Variants in MID2 observed in about 807,000 individuals in gnomAD.
The protein encoded by MID2 is probable E3 ubiquitin-protein ligase MID2.
Under a neutral mutation model 46.1 loss-of-function variants are expected in MID2, and 13 were observed. The observed-to-expected ratio is 0.28, with a 90% confidence interval of 0.18 to 0.45. MID2 has a LOEUF of 0.45. Ranked by LOEUF, MID2 falls within the 20% of genes least tolerant of loss-of-function variation. MID2 has a pLI of 1.00. For missense variants in MID2, 431 were observed against 575.4 expected, an observed-to-expected ratio of 0.75 and a Z score of 2.57; for synonymous variants, 199 against 212.3, an observed-to-expected ratio of 0.94 and a Z score of 0.55.
chrX:107,906,320 C>G (rs761544014), intron 5 of MID2, among the ~76,000 whole-genome samples: 1 of 111,213 alleles, frequency 9.0e-6, no homozygotes, highest in Non-Finnish European at 1.9e-5. Context: ...GCTCCAGGCT[C>G]GCAGTGTTCC....
chrX:107,881,781 A>G (rs1468599812), intron 3 of MID2, among the ~76,000 whole-genome samples: 3 of 112,535 alleles, frequency 2.7e-5, no homozygotes, highest in Admixed American at 1.9e-4. Context: ...ATCAACTGTA[A>G]AAGTACACTT....
intron 2 of MID2, among the ~76,000 whole-genome samples, chrX:107,847,527 A>G (rs1437736941): frequency 2.7e-5 from 3 of 112,092 alleles, no homozygotes; most frequent in Non-Finnish European, 5.6e-5. Context: ...AGAATGAATT[A>G]AAAAGGACTT....
rs1008321315 is a variant in MID2 at position 107,841,993 on chromosome X, AAAAACAAAAC to A, written c.720+627_720+636del. ...TAGGGCTAATTCTAAGCCTGCCTTT[AAAAACAAAAC>A]AAAACAAAACAAAACAAAGAACTGA... On this transcript the variant is annotated intron_variant, in intron 2 of 9. Transcript: ENST00000262843. Among the ~76,000 whole-genome samples the A allele has an allele frequency of 7.1e-5, 8 of 112,890 alleles. No individual in the cohort carries two copies. In the South Asian group the frequency reaches 1.1e-3, roughly 15 times the overall value.
intron 3 of MID2, among the ~76,000 whole-genome samples, chrX:107,878,704 G>A (rs1396709679): frequency 8.9e-6 from 1 of 111,961 alleles, no homozygotes; most frequent in Non-Finnish European, 1.9e-5. Flanking sequence ...CCACATGATG[G>A]CTAGACCCAT....
intron 3 of MID2, among the ~76,000 whole-genome samples, chrX:107,876,701 G>A (rs1245500185): frequency 4.5e-5 from 5 of 111,884 alleles, no homozygotes; most frequent in African/African-American, 1.3e-4. Flanking sequence ...GCAGAATGGC[G>A]TGCTTCTCAG....
chrX:107,912,244 T>G (rs899430261), intron 5 of MID2, among the ~76,000 whole-genome samples: 3 of 112,081 alleles, frequency 2.7e-5, no homozygotes, highest in African/African-American at 9.7e-5. Context: ...TCTTTGTGGG[T>G]TTATGACATT....
chrX:107,833,806 T>A (rs1482675932), intron 1 of MID2, among the ~76,000 whole-genome samples: 2 of 111,290 alleles, frequency 1.8e-5, no homozygotes, highest in African/African-American at 3.3e-5. Context: ...TATTTTTATT[T>A]ATTTTGAGAC....
intron 3 of MID2, among the ~76,000 whole-genome samples, chrX:107,869,248 G>A (rs1932018109): frequency 9.0e-6 from 1 of 111,217 alleles, no homozygotes; most frequent in Non-Finnish European, 1.9e-5. Context: ...TCCTTTTCCT[G>A]TTGAGTGGAT....
chrX:107,864,277 C>T (rs188514052), intron 3 of MID2, among the ~76,000 whole-genome samples: 1 of 112,066 alleles, frequency 8.9e-6, no homozygotes, highest in Admixed American at 9.5e-5. Context: ...TGGTAAGCCT[C>T]TTATGTACTC....
At chrX:107,846,870 A>G (rs1931496040) in intron 2 of MID2, among the ~76,000 whole-genome samples, 1 of 112,228 alleles carries the variant, frequency 8.9e-6, no homozygotes, top group African/African-American at 3.2e-5. Context: ...TTGTTTGAGA[A>G]CAATTTACAA....
intron 5 of MID2, among the ~76,000 whole-genome samples, chrX:107,913,701 A>G (rs1353991186): frequency 9.0e-6 from 1 of 111,556 alleles, no homozygotes; most frequent in East Asian, 2.8e-4. Context: ...TGCTTTGTGA[A>G]TTAACCCTTT....
In MID2 at chrX:107,906,072, C is replaced by T. The variant is rs760984321; in HGVS notation, c.1073+446C>T. Among the ~76,000 whole-genome samples the T allele has an allele frequency of 1.2e-3, 132 of 111,908 alleles. 1 individual carries two copies. Among genetic ancestry groups the T allele is most frequent in the Middle Eastern group, 4.6e-3 (1 of 216 alleles). ...ACCCCTTTCTAAATTAGATGAGAGT[C>T]ATGAACCTTCTTCCAGAGGAAAAAC... On this transcript the variant is annotated intron_variant, in intron 5 of 9. Coordinates refer to ENST00000262843, the MANE Select transcript of MID2 (RefSeq NM_012216.4).
In MID2 at chrX:107,912,541, T is replaced by C. The variant is rs184801436; in HGVS notation, c.1074-3461T>C. Reference sequence around the variant, plus strand: ...TACCTTCCATGAACACTCCTGGTTTTCTTCCTACTTTGTTGTTTTTGTTTT... The same window carrying C: ...TACCTTCCATGAACACTCCTGGTTTCCTTCCTACTTTGTTGTTTTTGTTTT... On this transcript the variant is annotated intron_variant, in intron 5 of 9. Coordinates refer to ENST00000262843, the MANE Select transcript of MID2 (RefSeq NM_012216.4). Among the ~76,000 whole-genome samples, 4 of 111,994 alleles carry C rather than the reference T, an allele frequency of 3.6e-5. No homozygotes were observed. In the Admixed American group the frequency reaches 3.8e-4, roughly 11 times the overall value.
chrX:107,864,280 A>G, intron 3 of MID2, among the ~76,000 whole-genome samples: 1 of 111,834 alleles, frequency 8.9e-6, no homozygotes, highest in Non-Finnish European at 1.9e-5. Context: ...TAAGCCTCTT[A>G]TGTACTCCTG....
At chrX:107,918,601 G>A (rs1379729103) in intron 7 of MID2, among the ~76,000 whole-genome samples, 1 of 111,529 alleles carries the variant, frequency 9.0e-6, no homozygotes, top group Non-Finnish European at 1.9e-5. Context: ...TTGTAACAAG[G>A]TGGGGTGGGG....
rs562312022 is a variant in MID2, at chrX:107,904,062, A to G, written c.921A>G (p.Thr307=). The G allele has an allele frequency of 8.6e-7, 1 of 1,158,021 alleles. No homozygotes were observed. ...TGATCGCTGTCAAAATCAAAGAGAC[A>G]AAGGTAAAGCGCAGCACTTCAGTGA... ...KQMIAVKIKE[T]KVMKLRKLAQ... Residue 307 remains threonine (T), a synonymous_variant, in exon 4 of 10, where the codon ACA becomes ACG. Coordinates refer to ENST00000262843, the MANE Select transcript of MID2 (RefSeq NM_012216.4).
chrX:107,850,487 G>A (rs1381296127), intron 2 of MID2, among the ~76,000 whole-genome samples: 1 of 112,099 alleles, frequency 8.9e-6, no homozygotes, highest in African/African-American at 3.2e-5. Context: ...AATGTTCGGT[G>A]TTTTCCTCAA....
At chrX:107,891,691 T>G (rs1932607755) in intron 3 of MID2, among the ~76,000 whole-genome samples, 1 of 112,048 alleles carries the variant, frequency 8.9e-6, no homozygotes, top group African/African-American at 3.2e-5. Context: ...TCAAGACCTC[T>G]TTGTTGCCCA....
chrX:107,926,597 A>G, intron 9 of MID2, 74 bp from the exon 10 acceptor site: 1 of 960,050 alleles, frequency 1.0e-6, no homozygotes, highest in Non-Finnish European at 1.5e-6. Flanking sequence ...TTTGTTATAT[A>G]TCATATATGG....
Sources: gnomAD v4.1 joint callset for allele counts (sites outside exome capture counted in the v4.1 genomes callset) on GRCh38, gnomAD v4.1.1 for gene constraint, MANE v1.5 for transcripts, NCBI Gene and HGNC (gene_info 2026-07-23, HGNC 2026-07-21) for gene names.